Variants in IQCH observed in about 807,000 individuals in gnomAD.
IQCH encodes the protein IQ domain-containing protein H.
Under a neutral mutation model 117.0 loss-of-function variants are expected in IQCH, and 98 were observed. The observed-to-expected ratio is 0.84, with a 90% CI of 0.71 to 0.99. The LOEUF (loss-of-function observed/expected upper bound fraction) is 0.99. IQCH is among the 50% of genes least tolerant of loss of function. The pLI is 0.00. For synonymous variants in IQCH, 412 were observed against 448.2 expected, an observed-to-expected ratio of 0.92 and a Z score of 1.02; for missense variants, 1,102 against 1,243.8, an observed-to-expected ratio of 0.89 and a Z score of 1.72.
At chr15:67,338,073 T>A (rs1451607862) in intron 5 of IQCH, among the ~76,000 whole-genome samples, 1 of 152,238 alleles carries the variant, frequency 6.6e-6, no homozygotes, top group African/African-American at 2.4e-5. Context: ...ATGTAATATT[T>A]ACTTCCTGGG....
At position 67,490,069 on chromosome 15, in the gene IQCH, G is replaced by C. The variant is rs1189622580; in HGVS notation, c.2861+5G>C. Reference sequence around the variant, plus strand: ...GAGACACAAGTTGGGAATGTTGTGAGTATGAAGTGTATCTGTGAGTTGCAA... The same window carrying C: ...GAGACACAAGTTGGGAATGTTGTGACTATGAAGTGTATCTGTGAGTTGCAA... On this transcript the variant is annotated splice_donor_5th_base_variant and intron_variant, in intron 19 of 20. Coordinates refer to ENST00000335894, the MANE Select transcript of IQCH (RefSeq NM_001031715.3). This position sits in a 1 kb window ranked among gnomAD's most constrained non-coding sequence, Gnocchi z 4.9. 3.1e-6 allele frequency: 5 copies of C among 1,592,528 alleles called. No homozygotes were observed. In the African/African-American group the frequency reaches 6.9e-5, roughly 22 times the overall value.
chr15:67,409,993 T>C (rs1313846104), intron 14 of IQCH, among the ~76,000 whole-genome samples: 1 of 152,200 alleles, frequency 6.6e-6, no homozygotes, highest in Non-Finnish European at 1.5e-5. Flanking sequence ...CATTTTTTCT[T>C]CATCCTCTCA....
intron 4 of IQCH, among the ~76,000 whole-genome samples, chr15:67,323,368 G>A (rs1450620065): frequency 2.7e-5 from 4 of 148,622 alleles, no homozygotes; most frequent in East Asian, 2.0e-4. Context: ...CCAGCCTCCC[G>A]AGTAGCTGGG....
At chr15:67,302,270 C>T (rs1455974741) in intron 4 of IQCH, among the ~76,000 whole-genome samples, 1 of 152,134 alleles carries the variant, frequency 6.6e-6, no homozygotes, top group Non-Finnish European at 1.5e-5. Context: ...TACATATTAG[C>T]AATTTCCCAA....
Position 67,454,273 on chromosome 15 carries a change from C to T in IQCH, c.2506-10854C>T, listed in dbSNP as rs1283743886. ...GTCTGGCACTCCCCAGTGAGATGAA[C>T]CCGGTACCTCAGTTGGAAATGCAGA... is the stretch of plus-strand genomic sequence containing the variant. On this transcript the variant is annotated intron_variant, in intron 16 of 20. Coordinates refer to ENST00000335894, the MANE Select transcript of IQCH (RefSeq NM_001031715.3). This position sits in a 1 kb window ranked among gnomAD's most constrained non-coding sequence, Gnocchi z 5.2. Among the ~76,000 whole-genome samples the T allele has an allele frequency of 2.0e-5, 3 of 152,192 alleles. No homozygotes were observed. The highest frequency in any genetic ancestry group is 7.2e-5 in the African/African-American group (3 of 41,438).
intron 16 of IQCH, among the ~76,000 whole-genome samples, chr15:67,442,731 C>T (rs550080352): frequency 2.6e-5 from 4 of 152,098 alleles, no homozygotes; most frequent in Non-Finnish European, 4.4e-5. Context: ...CTTGCACATG[C>T]ATATTTATAG....
At chr15:67,492,008 C>A (rs188016808) in intron 19 of IQCH, among the ~76,000 whole-genome samples, 1 of 152,080 alleles carries the variant, frequency 6.6e-6, no homozygotes, top group East Asian at 1.9e-4. Flanking sequence ...TCACTAGTAG[C>A]CAGAAGATCA....
chr15:67,280,690 G>A (rs924200727), intron 4 of IQCH, among the ~76,000 whole-genome samples: 6 of 152,006 alleles, frequency 3.9e-5, no homozygotes, highest in African/African-American at 1.2e-4. Context: ...TTTGGTGGGC[G>A]GGGGGAGGCG....
intron 18 of IQCH, among the ~76,000 whole-genome samples, chr15:67,477,239 C>A (rs933139128): frequency 1.3e-5 from 2 of 151,896 alleles, no homozygotes; most frequent in African/African-American, 4.8e-5. Context: ...TTAGTAGAGA[C>A]AGGGTTTCAC....
chr15:67,291,346 T>G (rs770459125), intron 4 of IQCH, among the ~76,000 whole-genome samples: 3 of 152,162 alleles, frequency 2.0e-5, no homozygotes, highest in Non-Finnish European at 4.4e-5. Context: ...GGTATTATTA[T>G]GATTATTAAC....
At chr15:67,314,484 G>GAAAAAAA (rs11343033) in intron 4 of IQCH, among the ~76,000 whole-genome samples, 3 of 136,234 alleles carry the variant, frequency 2.2e-5, no homozygotes, top group African/African-American at 2.7e-5. Flanking sequence ...TGTGCTAAAT[G>GAAAAAAA]AAAAAAAAAA....
At position 67,364,595 on chromosome 15, in the gene IQCH, T is replaced by G. The variant is rs1006758327; in HGVS notation, c.753+4710T>G. On this transcript the variant is annotated intron_variant, in intron 8 of 20. Coordinates refer to ENST00000335894, the MANE Select transcript of IQCH (RefSeq NM_001031715.3). The surrounding 1 kb of genome is among the most constrained non-coding windows in gnomAD (Gnocchi z 4.1). ...AATTATCAGCCAACAAGATAATCTG[T>G]ATTTTTTCACTTTATCTCTTTCATT... Among the ~76,000 whole-genome samples the G allele has an allele frequency of 1.3e-5, 2 of 152,216 alleles. No homozygotes were observed. The highest frequency in any genetic ancestry group is 4.8e-5 in the African/African-American group (2 of 41,466).
chr15:67,304,653 A>G (rs1199900121), intron 4 of IQCH, among the ~76,000 whole-genome samples: 3 of 152,094 alleles, frequency 2.0e-5, no homozygotes, highest in African/African-American at 7.2e-5. Flanking sequence ...TTGAAGACTT[A>G]TTTGTAGCTC....
intron 4 of IQCH, among the ~76,000 whole-genome samples, chr15:67,333,166 A>G (rs575998067): frequency 6.6e-6 from 1 of 152,294 alleles, no homozygotes; most frequent in African/African-American, 2.4e-5. Context: ...CCCATCTCTT[A>G]AAAGTATCAC....
At position 67,337,197 on chromosome 15, in the gene IQCH, T is replaced by A; in HGVS notation, c.508+102T>A. On this transcript the variant is annotated intron_variant, in intron 5 of 20. Coordinates refer to ENST00000335894, the MANE Select transcript of IQCH (RefSeq NM_001031715.3). ...TTTGGACTCTGGCTCAGCCACTAAT[T>A]CTCCTGGGTGGCCTCAGACAAGTCA... is the stretch of plus-strand genomic sequence containing the variant. 4 of 1,334,492 alleles carry A rather than the reference T, an allele frequency of 3.0e-6. No individual in the cohort carries two copies. The South Asian group carries it at 5.4e-5, about 18-fold the overall frequency. 82.7% of individuals were successfully genotyped at this position (1,334,492 alleles called of 1,614,324 possible).
chr15:67,358,793 G>C (rs531174148), intron 7 of IQCH, among the ~76,000 whole-genome samples: 1 of 152,306 alleles, frequency 6.6e-6, no homozygotes, highest in South Asian at 2.1e-4. Context: ...CTCCATAGTA[G>C]ACTGCTACCT....
At position 67,274,385 on chromosome 15, in the gene IQCH, C is replaced by A. The variant is rs1174409363; in HGVS notation, c.270-5010C>A. 2.6e-5 allele frequency among the ~76,000 whole-genome samples: 4 copies of A among 152,238 alleles called. No individual in the cohort carries two copies. In the East Asian group the frequency reaches 5.8e-4, roughly 22 times the overall value. On this transcript the variant is annotated intron_variant, in intron 3 of 20. Transcript: ENST00000335894. ...TATTTTTCTTCTCTGACTGTGTGTT[C>A]TCAAATAGCCTGTCCTGAAGCTCAC...
chr15:67,296,919 C>G (rs1966855700), intron 4 of IQCH, among the ~76,000 whole-genome samples: 1 of 152,178 alleles, frequency 6.6e-6, no homozygotes, highest in African/African-American at 2.4e-5. Context: ...GTGCTTGGCA[C>G]AAAATGGGAC....
intron 6 of IQCH, among the ~76,000 whole-genome samples, chr15:67,349,513 G>A (rs1969554685): frequency 6.6e-6 from 1 of 150,530 alleles, no homozygotes; most frequent in Admixed American, 6.6e-5. Context: ...CAGCTACTTG[G>A]GAGACTGAGG....
Sources: gnomAD v4.1 joint callset for allele counts (sites outside exome capture counted in the v4.1 genomes callset) on GRCh38, gnomAD v4.1.1 for gene constraint, Gnocchi (gnomAD v3.1) non-coding constraint, MANE v1.5 for transcripts, NCBI Gene and HGNC (gene_info 2026-07-23, HGNC 2026-07-21) for gene names.